Variants in CLVS1 observed in about 807,000 individuals in gnomAD.
CLVS1 encodes clavesin-1.
In CLVS1, 10 loss-of-function variants were observed where a neutral mutation model predicts 33.1. The observed-to-expected ratio is 0.30, with a 90% CI of 0.19 to 0.51. CLVS1 has a LOEUF of 0.51. CLVS1 is among the 20% of genes least tolerant of loss of function. The pLI is 0.97. For synonymous variants in CLVS1, 163 were observed against 166.1 expected, an observed-to-expected ratio of 0.98 and a Z score of 0.14; for missense variants, 343 against 433.4, an observed-to-expected ratio of 0.79 and a Z score of 1.85.
At chr8:61,261,686 G>T (rs1164004354) in intron 2 of CLVS1, among the ~76,000 whole-genome samples, 7 of 152,194 alleles carry the variant, frequency 4.6e-5, no homozygotes, top group African/African-American at 1.7e-4. Context: ...CCCTTCTCAT[G>T]TTAGAAACCA....
intron 2 of CLVS1, among the ~76,000 whole-genome samples, chr8:61,239,401 T>C (rs1242875139): frequency 1.3e-5 from 2 of 152,172 alleles, no homozygotes; most frequent in African/African-American, 4.8e-5. Flanking sequence ...GGAGATCAAT[T>C]ATGTTCTAAT....
intron 2 of CLVS1, among the ~76,000 whole-genome samples, chr8:61,308,294 A>G (rs1367892279): frequency 6.6e-6 from 1 of 152,218 alleles, no homozygotes; most frequent in African/African-American, 2.4e-5. Flanking sequence ...AATATGACTC[A>G]TCAATGGGAA....
At chr8:61,084,190 C>T (rs920124791) in intron 1 of CLVS1, among the ~76,000 whole-genome samples, 1 of 152,180 alleles carries the variant, frequency 6.6e-6, no homozygotes, top group Non-Finnish European at 1.5e-5. Context: ...ACTATATCGT[C>T]CATTAAAATT....
chr8:61,046,802 G>A, the CLVS1 span, among the ~76,000 whole-genome samples: 1 of 151,414 alleles, frequency 6.6e-6, no homozygotes, highest in Non-Finnish European at 1.5e-5. Flanking sequence ...TCTGTTATTG[G>A]TGTATAAGAA....
intron 3 of CLVS1, among the ~76,000 whole-genome samples, chr8:61,402,075 T>C (rs1056632355): frequency 6.6e-6 from 1 of 152,026 alleles, no homozygotes; most frequent in Non-Finnish European, 1.5e-5. Flanking sequence ...ACTCGGTAAA[T>C]TGATGGACAG....
chr8:61,301,914 T>C (rs952456635), intron 2 of CLVS1, among the ~76,000 whole-genome samples: 6 of 152,206 alleles, frequency 3.9e-5, no homozygotes, highest in African/African-American at 1.4e-4. Flanking sequence ...GAAAGAATAA[T>C]GAATCAATTT....
intron 5 of CLVS1, among the ~76,000 whole-genome samples, chr8:61,496,990 T>G (rs1194295727): frequency 6.6e-6 from 1 of 152,214 alleles, no homozygotes; most frequent in African/African-American, 2.4e-5. Context: ...AAATGAAATG[T>G]TAATATATGT....
the CLVS1 span, among the ~76,000 whole-genome samples, chr8:61,037,033 T>C: frequency 2.6e-5 from 4 of 152,362 alleles, no homozygotes; most frequent in Non-Finnish European, 5.9e-5. Context: ...ATTTAGTATG[T>C]GACTCACATT....
intron 3 of CLVS1, among the ~76,000 whole-genome samples, chr8:61,443,853 C>A (rs1158121945): frequency 6.6e-6 from 1 of 152,012 alleles, no homozygotes; most frequent in South Asian, 2.1e-4. Context: ...TATATATTAT[C>A]TTAAAATCTA....
At chr8:61,474,146 A>C (rs532069622) in intron 5 of CLVS1, among the ~76,000 whole-genome samples, 2 of 152,306 alleles carry the variant, frequency 1.3e-5, no homozygotes, top group East Asian at 3.9e-4. Context: ...CATACAGCGC[A>C]AGACACCATT....
chr8:61,406,621 G>A (rs547237669), intron 3 of CLVS1, among the ~76,000 whole-genome samples: 6 of 148,488 alleles, frequency 4.0e-5, no homozygotes, highest in Non-Finnish European at 5.9e-5. Flanking sequence ...TTTTTTGTGG[G>A]GGGGGGGATG....
chr8:61,457,403 C>T (rs892848360), intron 4 of CLVS1, among the ~76,000 whole-genome samples: 2 of 152,148 alleles, frequency 1.3e-5, no homozygotes, highest in Admixed American at 6.5e-5. Flanking sequence ...GACTTTAAGT[C>T]ACCTTTCAGA....
chr8:61,140,124 G>A (rs1239272541), intron 2 of CLVS1, among the ~76,000 whole-genome samples: 1 of 152,230 alleles, frequency 6.6e-6, no homozygotes, highest in Non-Finnish European at 1.5e-5. Flanking sequence ...GGGAGGGCTG[G>A]GTTAGCAGGA....
intron 2 of CLVS1, chr8:61,202,846 G>A: frequency 1.0e-6 from 1 of 994,458 alleles, no homozygotes; most frequent in South Asian, 1.3e-5. Context: ...AGATGATGAT[G>A]ATGATGAAGA....
chr8:61,176,886 G>A (rs1315528181), intron 2 of CLVS1, among the ~76,000 whole-genome samples: 1 of 152,130 alleles, frequency 6.6e-6, no homozygotes, highest in Non-Finnish European at 1.5e-5. Context: ...CCCAATCACG[G>A]AGCCACTCAG....
chr8:61,198,107 G>A (rs1171525116), intron 2 of CLVS1, among the ~76,000 whole-genome samples: 2 of 145,132 alleles, frequency 1.4e-5, no homozygotes, highest in Non-Finnish European at 3.1e-5. Flanking sequence ...AAAATTTGGT[G>A]TTCCTTCCAG....
At chr8:61,201,811 C>A (rs941078492) in intron 2 of CLVS1, among the ~76,000 whole-genome samples, 2 of 152,180 alleles carry the variant, frequency 1.3e-5, no homozygotes, top group African/African-American at 4.8e-5. Context: ...AGAAATAGCA[C>A]TAGAACATAA....
chr8:61,353,465 C>A (rs1585845882), intron 2 of CLVS1, among the ~76,000 whole-genome samples: 2 of 151,598 alleles, frequency 1.3e-5, no homozygotes, highest in East Asian at 3.9e-4. Flanking sequence ...AAGAAGAAGC[C>A]TCAAAGGAAA....
the CLVS1 span, among the ~76,000 whole-genome samples, chr8:60,999,415 C>T: frequency 6.6e-6 from 1 of 152,130 alleles, no homozygotes; most frequent in African/African-American, 2.4e-5. Context: ...GCATTGCTCT[C>T]TGGGGGCAGA....
Sources: gnomAD v4.1 joint callset for allele counts (sites outside exome capture counted in the v4.1 genomes callset) on GRCh38, gnomAD v4.1.1 for gene constraint, MANE v1.5 for transcripts, NCBI Gene and HGNC (gene_info 2026-07-23, HGNC 2026-07-21) for gene names.